The following NPIPB8 variants were observed in gnomAD, a reference collection of about 807,000 sequenced individuals.
NPIPB8 encodes the protein nuclear pore complex interacting protein family member B8.
In NPIPB8, 3 loss-of-function variants were observed where a neutral mutation model predicts 5.3. The observed-to-expected ratio is 0.57, with a 90% confidence interval of 0.26 to 1.47. NPIPB8 has a LOEUF of 1.47. Ranked by LOEUF, NPIPB8 falls within the 40% of genes most tolerant of loss-of-function variation. The pLI is 0.13. For synonymous variants in NPIPB8, 18 were observed against 23.0 expected (o/e 0.78, Z 0.62); for missense variants, 50 against 50.2 (o/e 1.00, Z 0.01).
intron 2 of NPIPB8, among the ~76,000 whole-genome samples, chr16:28,645,215 G>A (rs936857413): frequency 8.0e-6 from 1 of 124,806 alleles, no homozygotes; most frequent in Non-Finnish European, 1.8e-5. Context: ...ATTTTTAGTA[G>A]AGACGGGGTT....
intron 2 of NPIPB8, among the ~76,000 whole-genome samples, chr16:28,641,630 G>A (rs2047898474): frequency 7.4e-6 from 1 of 135,860 alleles, no homozygotes; most frequent in African/African-American, 2.7e-5. Flanking sequence ...GGCCTTCCAA[G>A]GTGCCAGCTC....
At chr16:28,644,494 G>C (rs1234600072) in intron 2 of NPIPB8, 1 of 538,218 alleles carries the variant, frequency 1.9e-6, no homozygotes, top group Non-Finnish European at 2.8e-6. Flanking sequence ...CCCCAACTCA[G>C]ATCCGGCCCA....
chr16:28,653,245 G>A (rs1220137741), intron 5 of NPIPB8, among the ~76,000 whole-genome samples: 1 of 84,234 alleles, frequency 1.2e-5, no homozygotes, highest in Non-Finnish European at 2.3e-5. Flanking sequence ...GATAATTTTT[G>A]TATTCTTAGT....
intron 3 of NPIPB8, among the ~76,000 whole-genome samples, chr16:28,651,254 A>T (rs1239733323): frequency 9.9e-5 from 3 of 30,380 alleles, no homozygotes; most frequent in South Asian, 1.9e-3. Context: ...AAGTGCTGGG[A>T]TTATAGGCGT....
rs545824516 is a variant in NPIPB8 at position 28,644,575 on chromosome 16, T to A, written c.121-3560T>A. ...CTGTCCTGGACACCTCAGGGCGCCCTGAAAGGACCAGGACATGCGGCTGCG... is the reference window on the plus strand; with the variant it reads ...CTGTCCTGGACACCTCAGGGCGCCCAGAAAGGACCAGGACATGCGGCTGCG... On this transcript the variant is annotated intron_variant, in intron 2 of 7. Transcript: ENST00000683297. 8.7e-6 allele frequency: 12 copies of A among 1,377,212 alleles called. No homozygotes were observed. In the South Asian group the frequency reaches 1.3e-4, roughly 15 times the overall value. The allele number at this position is 1,377,212 out of a possible 1,614,324, so 85.3% of individuals were successfully genotyped here.
At chr16:28,639,704 T>TGC (rs1567328895) in intron 2 of NPIPB8, among the ~76,000 whole-genome samples, 5 of 128,864 alleles carry the variant, frequency 3.9e-5, no homozygotes, top group East Asian at 2.2e-4. Context: ...CTGCCCACCG[T>TGC]GGCCTCCCAA....
At chr16:28,645,284 C>T in intron 2 of NPIPB8, among the ~76,000 whole-genome samples, 1 of 99,184 alleles carries the variant, frequency 1.0e-5, no homozygotes, top group African/African-American at 3.7e-5. Flanking sequence ...CTGCCTCGGC[C>T]TCCCAGTGCT....
At chr16:28,639,628 G>C (rs71383736) in intron 2 of NPIPB8, among the ~76,000 whole-genome samples, 86,909 of 115,824 alleles carry the variant, frequency 0.75, 30,504 homozygotes, top group East Asian at 0.92. Flanking sequence ...GCTAATTTTT[G>C]TATTCTTAGT....
chr16:28,644,759 C>T (rs2047969946), intron 2 of NPIPB8: 5 of 564,350 alleles, frequency 8.9e-6, no homozygotes, highest in South Asian at 8.4e-5. Context: ...CTTTAGGGGG[C>T]CGAGGTGGGC....
chr16:28,644,922 C>T (rs1471394772), intron 2 of NPIPB8, among the ~76,000 whole-genome samples: 4 of 99,348 alleles, frequency 4.0e-5, no homozygotes, highest in African/African-American at 7.8e-5. Context: ...TCGCTTGGGC[C>T]GAGGAGCTGG....
intron 5 of NPIPB8, among the ~76,000 whole-genome samples, chr16:28,652,737 G>A (rs2048063713): frequency 7.5e-6 from 1 of 132,722 alleles, no homozygotes; most frequent in African/African-American, 3.0e-5. Flanking sequence ...AAGTAGCTGG[G>A]ATTACAGGTG....
rs181469337 is a variant in NPIPB8, at chr16:28,638,680, G to T, written c.120+200G>T. 1.6e-3 allele frequency among the ~76,000 whole-genome samples: 241 copies of T among 150,890 alleles called. 3 individuals are homozygous for T. The highest frequency in any genetic ancestry group is 2.1e-3 in the Admixed American group (32 of 15,192). The stretch of plus-strand genomic sequence containing the variant: ...ATTTGGATGAAAACCACTATCTTCT[G>T]TCAGAAACTCAAAAGGAATCATTGC... On this transcript the variant is annotated intron_variant, in intron 2 of 7. Transcript: ENST00000683297.
intron 2 of NPIPB8, among the ~76,000 whole-genome samples, chr16:28,646,575 ATT>A (rs1203583733): frequency 8.7e-5 from 1 of 11,484 alleles, no homozygotes; most frequent in East Asian, 2.3e-3. Flanking sequence ...TCTTCATTGT[ATT>A]TTTTTTTTTT....
chr16:28,641,334 C>T (rs1362461136), intron 2 of NPIPB8, among the ~76,000 whole-genome samples: 1 of 150,532 alleles, frequency 6.6e-6, no homozygotes, highest in Non-Finnish European at 1.5e-5. Context: ...TCTACTTGCT[C>T]ACCAGATGAT....
chr16:28,645,280 C>T lies in NPIPB8; in HGVS notation c.121-2855C>T, dbSNP rs900637880. Among the ~76,000 whole-genome samples, 3 of 100,484 alleles carry T rather than the reference C, an allele frequency of 3.0e-5. 1 individual carries two copies. The highest frequency in any genetic ancestry group is 6.5e-5 in the Non-Finnish European group (3 of 46,228). The allele number at this position is 100,484 out of a possible 152,430, so 65.9% of individuals were successfully genotyped here. ...TCTTGACCTCGTGATCCGCCTGCCT[C>T]GGCCTCCCAGTGCTGGGATTACAGG... On this transcript the variant is annotated intron_variant, in intron 2 of 7. Transcript: ENST00000683297.
At position 28,638,514 on chromosome 16, in the gene NPIPB8, C is replaced by A. The variant is rs770582547; in HGVS notation, c.120+34C>A. 5 of 1,527,590 alleles carry A rather than the reference C, an allele frequency of 3.3e-6. No individual in the cohort carries two copies. The South Asian group carries it at 4.6e-5, about 14-fold the overall frequency. 94.6% of individuals were successfully genotyped at this position (1,527,590 alleles called of 1,614,324 possible). On this transcript the variant is annotated intron_variant, in intron 2 of 7. Coordinates refer to ENST00000683297, the MANE Select transcript of NPIPB8 (RefSeq NM_001310136.2). ...GTGCAGACAAGATGGGGCCTGGTGC[C>A]CTTGAGCAGTTCCCGGGTCTCAGCT...
intron 2 of NPIPB8, among the ~76,000 whole-genome samples, chr16:28,645,194 C>T (rs1467096006): frequency 5.3e-5 from 7 of 132,888 alleles, no homozygotes; most frequent in Non-Finnish European, 1.0e-4. Context: ...CAACGCCTGG[C>T]TAATTTTTGT....
intron 2 of NPIPB8, among the ~76,000 whole-genome samples, chr16:28,645,046 T>TC (rs1368365640): frequency 1.7e-5 from 2 of 118,386 alleles, no homozygotes; most frequent in Admixed American, 8.2e-5. Context: ...TGACTTTTTT[T>TC]TTTTTTTTTT....
chr16:28,640,701 G>A (rs1217831701), intron 2 of NPIPB8, among the ~76,000 whole-genome samples: 2 of 152,136 alleles, frequency 1.3e-5, no homozygotes, highest in South Asian at 2.1e-4. Context: ...TCTTCAGCCA[G>A]GTGGAGTTTG....
Sources: allele counts gnomAD v4.1 joint callset (sites outside exome capture counted in the v4.1 genomes callset), GRCh38; gene constraint gnomAD v4.1.1; transcripts MANE v1.5; gene names NCBI Gene and HGNC (gene_info 2026-07-23, HGNC 2026-07-21).